MGAM2: variants seen among roughly 807,000 people sequenced by gnomAD.
MGAM2 encodes the protein maltase-glucoamylase 2 (putative), also known as probable maltase-glucoamylase 2.
MGAM2 carries 98 observed loss-of-function variants against 96.1 expected under a neutral mutation model. The observed-to-expected ratio is 1.02, with a 90% CI of 0.87 to 1.21. The LOEUF is 1.21. Among genes scored for constraint, MGAM2 ranks in the 50% most tolerant of loss-of-function variants. The pLI is 0.00. For missense variants in MGAM2, 2,055 were observed against 1,182.4 expected, an observed-to-expected ratio of 1.74 and a Z score of -10.82; for synonymous variants, 749 against 414.8, an observed-to-expected ratio of 1.81 and a Z score of -9.79.
At position 142,164,875 on chromosome 7, in the gene MGAM2, T is replaced by G; in HGVS notation, c.2504T>G (p.Ile835Ser). ...TCCCAGAACCATCTACAAGCAAAGA[T>G]TATAAATAATAATTATATGGACACT... Reference protein sequence around the residue: ...SVTSNHLQAKIINNNYMDTDN... With the variant: ...SVTSNHLQAKSINNNYMDTDN... The change falls in exon 24 of 48, where the codon ATT (isoleucine) becomes AGT (serine). Residue 835 changes from isoleucine to serine, a missense_variant. Coordinates refer to ENST00000477922, the MANE Select transcript of MGAM2 (RefSeq NM_001293626.2). 1.4e-6 allele frequency: 1 copy of G among 699,058 alleles called. No homozygotes were observed. The highest frequency in any genetic ancestry group is 2.6e-6 in the Non-Finnish European group (1 of 383,668). The allele number at this position is 699,058 out of a possible 1,614,324, so 43.3% of individuals were successfully genotyped here.
chr7:142,161,203 T>C lies in MGAM2; in HGVS notation c.2424T>C (p.Gly808=), dbSNP rs376687545. The part of the protein sequence containing the change: ...EAKGELYWDD[G]VSKDAVTEKK... ...AGGGGGAGCTGTACTGGGATGACGGTGTATCTAAAGGTAGACTTTCTCAAG... is the reference window on the plus strand; with the variant it reads ...AGGGGGAGCTGTACTGGGATGACGGCGTATCTAAAGGTAGACTTTCTCAAG... Residue 808 remains glycine (G), a synonymous_variant, in exon 22 of 48, where the codon GGT becomes GGC. Transcript: ENST00000477922. 2.0e-5 allele frequency: 14 copies of C among 702,532 alleles called. No homozygotes were observed. Among genetic ancestry groups the C allele is most frequent in the East Asian group, 1.6e-4 (6 of 37,268 alleles). 43.5% of individuals were successfully genotyped at this position (702,532 alleles called of 1,614,324 possible).
chr7:142,201,214 G>C (rs1030078645), intron 45 of MGAM2, among the ~76,000 whole-genome samples: 3 of 150,744 alleles, frequency 2.0e-5, no homozygotes, highest in Non-Finnish European at 4.4e-5. Context: ...GGGATTTCAG[G>C]TGTGTGGCAC....
Position 142,154,739 on chromosome 7 carries a change from A to G in MGAM2, c.1817A>G (p.Asn606Ser), listed in dbSNP as rs79591013. The G allele has an allele frequency of 8.3e-3, 5,834 of 703,180 alleles. 49 individuals carry two copies. The highest frequency in any genetic ancestry group is 0.012 in the Non-Finnish European group (4,632 of 384,988). 43.6% of individuals were successfully genotyped at this position (703,180 alleles called of 1,614,324 possible). ...NLFGIPMVGA[N>S]ICGYNNNVTE... is the part of the protein sequence containing the mutation. ...GTGCTAATTCTCCAGGTAGGTGCCA[A>G]CATCTGTGGTTATAACAACAATGTC... is the stretch of plus-strand genomic sequence containing the variant. The change falls in exon 17 of 48, where the codon AAC (asparagine) becomes AGC (serine). Residue 606 changes from asparagine to serine, a missense_variant. Transcript: ENST00000477922.
intron 5 of MGAM2, 49 bp downstream of exon 5, chr7:142,131,676 C>T (rs1255511129): frequency 4.3e-6 from 3 of 697,016 alleles, no homozygotes; most frequent in East Asian, 2.7e-5. Flanking sequence ...AAGCAGTGTG[C>T]TCACATTGGG....
At chr7:142,211,535 C>T (rs1042686885) in intron 46 of MGAM2, among the ~76,000 whole-genome samples, 2 of 151,998 alleles carry the variant, frequency 1.3e-5, no homozygotes, top group Non-Finnish European at 2.9e-5. Flanking sequence ...ATGAGAACTT[C>T]GTGAAGCAAA....
At chr7:142,202,179 G>A (rs1421738067) in intron 45 of MGAM2, among the ~76,000 whole-genome samples, 2 of 152,182 alleles carry the variant, frequency 1.3e-5, no homozygotes, top group Admixed American at 1.3e-4. Context: ...TGGAAGGAAG[G>A]ATCAGGACTG....
chr7:142,161,838 C>G (rs1795895863), intron 22 of MGAM2, 117 bp from the exon 23 acceptor site: 1 of 511,080 alleles, frequency 2.0e-6, no homozygotes, highest in Non-Finnish European at 3.4e-6. Context: ...ATGCACAGAA[C>G]TCAGATGAGC....
At chr7:142,154,988 AG>A in intron 17 of MGAM2, 143 bp downstream of exon 17, 1 of 612,712 alleles carries the variant, frequency 1.6e-6, no homozygotes, top group Non-Finnish European at 2.9e-6. Context: ...AGCCTTAAAA[AG>A]CAGGGTATCA....
intron 41 of MGAM2, 21 bp downstream of exon 41, chr7:142,197,569 C>G: frequency 1.4e-6 from 1 of 703,074 alleles, no homozygotes; most frequent in East Asian, 2.7e-5. Flanking sequence ...CCTCTTTCCC[C>G]AAGCATGTCT....
At chr7:142,187,939 C>T (rs1796750508) in intron 36 of MGAM2, 105 bp downstream of exon 36, 2 of 619,154 alleles carry the variant, frequency 3.2e-6, no homozygotes, top group East Asian at 5.6e-5. Flanking sequence ...AGAAACCATT[C>T]TCCAACATGA....
At chr7:142,154,639 G>T in intron 16 of MGAM2, 90 bp from the exon 17 acceptor site, 1 of 664,480 alleles carries the variant, frequency 1.5e-6, no homozygotes, top group East Asian at 2.7e-5. Flanking sequence ...ATGTGACAAA[G>T]AGGTTCTCTT....
In MGAM2 at chr7:142,171,391, A is replaced by G. The variant is rs1563273917; in HGVS notation, c.3302A>G (p.Asn1101Ser). 1.4e-6 allele frequency: 1 copy of G among 703,184 alleles called. No homozygotes were observed. The highest frequency in any genetic ancestry group is 2.6e-6 in the Non-Finnish European group (1 of 384,920). 43.6% of individuals were successfully genotyped at this position (703,184 alleles called of 1,614,324 possible). Residue 1101 changes from asparagine to serine, a missense_variant, in exon 28 of 48, where the codon AAC (asparagine) becomes AGC (serine). Asn to Ser is a conservative substitution (Grantham distance 46). Coordinates refer to ENST00000477922, the MANE Select transcript of MGAM2 (RefSeq NM_001293626.2). ...ACTGAGCACACGACTTTCAGAAGAA[A>G]CATGAACTGGAACACATGGGGAATG... Reference protein sequence around the residue: ...GETEHTTFRRNMNWNTWGMFA... With the variant: ...GETEHTTFRRSMNWNTWGMFA...
intron 12 of MGAM2, among the ~76,000 whole-genome samples, chr7:142,142,228 T>A (rs1283841876): frequency 6.6e-6 from 1 of 152,150 alleles, no homozygotes; most frequent in Non-Finnish European, 1.5e-5. Context: ...GCACACCAAG[T>A]CTTTGCTTTT....
chr7:142,178,568 A>G (rs1253866946), intron 32 of MGAM2, among the ~76,000 whole-genome samples: 2 of 152,196 alleles, frequency 1.3e-5, no homozygotes, highest in Admixed American at 1.3e-4. Context: ...ATTCTCTTGC[A>G]TATGGTGAGC....
chr7:142,220,939 C>T lies in MGAM2; in HGVS notation c.6428C>T (p.Thr2143Ile), dbSNP rs764241142. ...STSTTINNISTPVQTNTTNAS... is the reference protein window; with the variant it reads ...STSTTINNISIPVQTNTTNAS... ...AGTACTACTATTAATAATATAAGTACTCCTGTTCAAACAAATACTACTAAT... is the reference window on the plus strand; with the variant it reads ...AGTACTACTATTAATAATATAAGTATTCCTGTTCAAACAAATACTACTAAT... Residue 2143 changes from threonine (T) to isoleucine (I), a missense_variant, in exon 48 of 48, where the codon ACT becomes ATT. Physicochemically the swap from Thr to Ile is moderately conservative, Grantham distance 89. Coordinates refer to ENST00000477922, the MANE Select transcript of MGAM2 (RefSeq NM_001293626.2). 9.8e-5 allele frequency: 69 copies of T among 701,568 alleles called. 2 individuals carry two copies. The South Asian group carries it at 1.0e-3, about 10-fold the overall frequency. The allele number at this position is 701,568 out of a possible 1,614,324, so 43.5% of individuals were successfully genotyped here.
In MGAM2 at chr7:142,143,859, C is replaced by T. The variant is rs1357863595; in HGVS notation, c.1408C>T (p.Leu470=). 4.3e-6 allele frequency: 3 copies of T among 702,902 alleles called. No homozygotes were observed. The highest frequency in any genetic ancestry group is 7.8e-6 in the Non-Finnish European group (3 of 384,884). The allele number at this position is 702,902 out of a possible 1,614,324, so 43.5% of individuals were successfully genotyped here. Residue 470 remains leucine, a synonymous_variant, in exon 13 of 48, where the codon CTG becomes TTG. Coordinates refer to ENST00000477922, the MANE Select transcript of MGAM2 (RefSeq NM_001293626.2). ...TCAGGTCGCTAAATTTCATGATCAT[C>T]TGGAGTTTGATGGAGTGTGGATTGT... The part of the protein sequence containing the change: ...TDQVAKFHDH[L]EFDGVWIEMN...
intron 43 of MGAM2, among the ~76,000 whole-genome samples, 197 bp downstream of exon 43, chr7:142,198,392 C>A (rs1441304447): frequency 6.6e-6 from 1 of 152,148 alleles, no homozygotes; most frequent in Non-Finnish European, 1.5e-5. Flanking sequence ...GAAGCTCCCC[C>A]CTCACCCTTG....
chr7:142,183,614 T>C (rs564393654), intron 33 of MGAM2, among the ~76,000 whole-genome samples: 3 of 152,354 alleles, frequency 2.0e-5, no homozygotes, highest in African/African-American at 7.2e-5. Flanking sequence ...TCTTTATTTA[T>C]TCCACATGGT....
chr7:142,114,324 T>A (rs1489277332), intron 1 of MGAM2, among the ~76,000 whole-genome samples: 1 of 151,908 alleles, frequency 6.6e-6, no homozygotes, highest in Non-Finnish European at 1.5e-5. Flanking sequence ...GAAAGTTTCA[T>A]GGAGGAGAAA....
Sources: gnomAD v4.1 joint callset for allele counts (sites outside exome capture counted in the v4.1 genomes callset) on GRCh38, gnomAD v4.1.1 for gene constraint, MANE v1.5 for transcripts, NCBI Gene and HGNC (gene_info 2026-07-23, HGNC 2026-07-21) for gene names.